PIP4K2B: variants seen among roughly 807,000 people sequenced by gnomAD.
PIP4K2B encodes the protein phosphatidylinositol 5-phosphate 4-kinase type-2 beta.
Under a neutral mutation model 42.0 loss-of-function variants are expected in PIP4K2B, and 3 were observed. That is an observed-to-expected ratio of 0.07 (90% CI 0.03 to 0.18). The LOEUF (loss-of-function observed/expected upper bound fraction) is 0.18. PIP4K2B is among the 10% of genes least tolerant of loss of function. The probability of loss-of-function intolerance (pLI) is 1.00; values close to 1 mark genes in which losing one functional copy is unlikely to be tolerated. For missense variants in PIP4K2B, 332 were observed against 562.3 expected, an observed-to-expected ratio of 0.59 and a Z score of 4.14; for synonymous variants, 204 against 210.1, an observed-to-expected ratio of 0.97 and a Z score of 0.25.
intron 1 of PIP4K2B, among the ~76,000 whole-genome samples, chr17:38,795,427 C>T (rs910693803): frequency 4.6e-5 from 7 of 151,942 alleles, no homozygotes; most frequent in Admixed American, 2.6e-4. Context: ...GGCAACAAAG[C>T]GAGACCCTGT....
intron 1 of PIP4K2B, among the ~76,000 whole-genome samples, chr17:38,795,099 C>CAA (rs61707682): frequency 0.012 from 487 of 41,038 alleles, no homozygotes; most frequent in Middle Eastern, 0.036. Flanking sequence ...AACTCCATCT[C>CAA]AAAAAAAAAA....
intron 7 of PIP4K2B, chr17:38,776,141 T>C (rs1909330988): frequency 5.2e-6 from 2 of 382,086 alleles, no homozygotes; most frequent in African/African-American, 4.4e-5. Context: ...CGGCTAATTT[T>C]GTATTTTCAG....
chr17:38,776,079 T>C (rs1909324849), intron 7 of PIP4K2B: 1 of 443,176 alleles, frequency 2.3e-6, no homozygotes, highest in Non-Finnish European at 4.5e-6. Flanking sequence ...CAAGCGATTC[T>C]CTTGCCTCAG....
chr17:38,796,558 G>A (rs886730201), intron 1 of PIP4K2B, among the ~76,000 whole-genome samples: 2 of 152,154 alleles, frequency 1.3e-5, no homozygotes, highest in Non-Finnish European at 2.9e-5. Flanking sequence ...CAGGTGCAAA[G>A]TCTTCTGATT....
At chr17:38,789,575 G>C (rs936302168) in intron 1 of PIP4K2B, among the ~76,000 whole-genome samples, 1 of 152,152 alleles carries the variant, frequency 6.6e-6, no homozygotes, top group East Asian at 1.9e-4. Context: ...AACTCCTCCA[G>C]GAGCATAAAT....
intron 7 of PIP4K2B, among the ~76,000 whole-genome samples, chr17:38,774,941 T>TGG (rs1909250493): frequency 8.7e-6 from 1 of 114,508 alleles, no homozygotes; most frequent in Admixed American, 1.0e-4. Flanking sequence ...AATCAGTTTT[T>TGG]GTGTGTGTGT....
chr17:38,786,275 CGCTAG>C (rs1567659890), intron 2 of PIP4K2B, among the ~76,000 whole-genome samples: 2 of 152,168 alleles, frequency 1.3e-5, no homozygotes, highest in African/African-American at 4.8e-5. Context: ...GTGTGGCGGC[CGCTAG>C]TGTTTCCAAC....
intron 8 of PIP4K2B, 42 bp from the exon 9 acceptor site, chr17:38,770,581 G>C (rs142266113): frequency 8.9e-7 from 1 of 1,120,984 alleles, no homozygotes; most frequent in Non-Finnish European, 1.4e-6. Context: ...AGAGGGGGCA[G>C]GAGAAGGGCA....
intron 1 of PIP4K2B, among the ~76,000 whole-genome samples, chr17:38,788,767 A>AC (rs1910178858): frequency 6.6e-6 from 1 of 152,082 alleles, no homozygotes; most frequent in Non-Finnish European, 1.5e-5. Context: ...CCTGGCCAAT[A>AC]TGGTGAAACC....
rs1909483847 is a variant in PIP4K2B at position 38,778,316 on chromosome 17, T to C, written c.693+18A>G. 8.1e-6 allele frequency: 13 copies of C among 1,613,420 alleles called. No homozygotes were observed. Among genetic ancestry groups the C allele is most frequent in the African/African-American group, 2.7e-5 (2 of 74,914 alleles). ...TGACTCCAAGCGACCCTTCCATTCCTGCTCAGCACCAGCATACCTTCTCCT... is the reference window on the plus strand; with the variant it reads ...TGACTCCAAGCGACCCTTCCATTCCCGCTCAGCACCAGCATACCTTCTCCT... On this transcript the variant is annotated intron_variant, in intron 6 of 9. Transcript: ENST00000619039.
chr17:38,784,152 C>G (rs549415195), intron 3 of PIP4K2B, 91 bp downstream of exon 3: 9 of 775,276 alleles, frequency 1.2e-5, no homozygotes, highest in Non-Finnish European at 2.0e-5. Context: ...AGCACAAAAA[C>G]AGCCAACACG....
Position 38,777,692 on chromosome 17 carries a change from C to T in PIP4K2B, c.802G>A (p.Val268Ile), listed in dbSNP as rs765704682. The T allele has an allele frequency of 1.1e-5, 18 of 1,606,504 alleles. No individual in the cohort carries two copies. The highest frequency in any genetic ancestry group is 3.3e-5 in the Admixed American group (2 of 59,984). ...AAATGAAGGTTAGTAAGTACCTCAA[C>T]GTCCCGCTTCAGTTTCTCCAGGAAG... Reference protein sequence around the residue: ...KNFLEKLKRDVEFLAQLKIMD... With the variant: ...KNFLEKLKRDIEFLAQLKIMD... The change falls in exon 7 of 10, where the codon GTT becomes ATT. Residue 268 changes from valine (V) to isoleucine (I), a missense_variant. By Grantham distance (29) the Val-to-Ile change is conservative (BLOSUM62 3). Transcript: ENST00000619039.
In PIP4K2B at chr17:38,783,671, G is replaced by C. The variant is rs540582029; in HGVS notation, c.354+572C>G. Among the ~76,000 whole-genome samples, 152 of 151,912 alleles carry C rather than the reference G, an allele frequency of 1.0e-3. 5 individuals are homozygous for C. The South Asian group carries it at 0.03, about 30-fold the overall frequency. On this transcript the variant is annotated intron_variant, in intron 3 of 9. Transcript: ENST00000619039. ...GCTGGAGTGCAATGGCGTGATCTCA[G>C]CTCGCTGCAACCTCCGCCTCCCAGG...
chr17:38,798,968 G>A (rs1910801820), intron 1 of PIP4K2B, among the ~76,000 whole-genome samples: 1 of 152,226 alleles, frequency 6.6e-6, no homozygotes, highest in Non-Finnish European at 1.5e-5. Flanking sequence ...CCACTGCACT[G>A]AGGCCTTGCC....
intron 4 of PIP4K2B, 62 bp downstream of exon 4, chr17:38,780,390 C>T: frequency 1.3e-6 from 2 of 1,486,170 alleles, no homozygotes; most frequent in East Asian, 2.3e-5. Context: ...GAAGCTCCCC[C>T]AGGGCTCTCT....
chr17:38,772,380 T>C (rs77079983), intron 7 of PIP4K2B, among the ~76,000 whole-genome samples: 3,155 of 152,274 alleles, frequency 0.021, 52 homozygotes, highest in Admixed American at 0.038. Flanking sequence ...AGGATGCAGA[T>C]TATCCCTTTG....
intron 1 of PIP4K2B, among the ~76,000 whole-genome samples, chr17:38,796,115 G>A (rs982511904): frequency 6.6e-6 from 1 of 152,176 alleles, no homozygotes; most frequent in Non-Finnish European, 1.5e-5. Flanking sequence ...TCCAGCCTGG[G>A]TGACGGAGTG....
chr17:38,778,090 G>C (rs1376022220), intron 6 of PIP4K2B, among the ~76,000 whole-genome samples: 1 of 152,204 alleles, frequency 6.6e-6, no homozygotes, highest in Non-Finnish European at 1.5e-5. Flanking sequence ...CTATGAGATA[G>C]AAATGTCTGC....
intron 2 of PIP4K2B, 27 bp downstream of exon 2, chr17:38,786,796 C>A: frequency 6.9e-7 from 1 of 1,457,766 alleles, no homozygotes; most frequent in Non-Finnish European, 9.6e-7. Flanking sequence ...GCCCACAAAA[C>A]CTGAGTCCAC....
Sources: allele counts gnomAD v4.1 joint callset (sites outside exome capture counted in the v4.1 genomes callset), GRCh38; gene constraint gnomAD v4.1.1; transcripts MANE v1.5; gene names NCBI Gene and HGNC (gene_info 2026-07-23, HGNC 2026-07-21).